The following CACNA1E variants were observed in gnomAD, a reference collection of about 807,000 sequenced individuals.
The protein encoded by CACNA1E is calcium voltage-gated channel subunit alpha1 E.
CACNA1E carries 40 observed loss-of-function variants against 259.2 expected under a neutral mutation model. The ratio of observed to expected loss-of-function variants is 0.15; its 90% CI spans 0.12 to 0.20. The LOEUF (loss-of-function observed/expected upper bound fraction) is 0.20. Among genes scored for constraint, CACNA1E ranks in the 10% least tolerant of loss-of-function variants. The probability of loss-of-function intolerance (pLI) is 1.00; values close to 1 mark genes in which losing one functional copy is unlikely to be tolerated. For missense variants in CACNA1E, 1,874 were observed against 3,040.1 expected, an observed-to-expected ratio of 0.62 and a Z score of 9.02; for synonymous variants, 1,104 against 1,138.5, an observed-to-expected ratio of 0.97 and a Z score of 0.61.
chr1:181,738,187 C>T (rs1656237710), intron 23 of CACNA1E, among the ~76,000 whole-genome samples, 180 bp from the exon 24 acceptor site: 1 of 152,216 alleles, frequency 6.6e-6, no homozygotes, highest in African/African-American at 2.4e-5. Flanking sequence ...CATGCCCCTC[C>T]TTCTGGCATT....
chr1:181,682,613 G>A (rs1650090333), intron 7 of CACNA1E, among the ~76,000 whole-genome samples: 1 of 152,160 alleles, frequency 6.6e-6, no homozygotes, highest in South Asian at 2.1e-4. Context: ...GGTTTAATTG[G>A]CATATGGTTC....
intron 1 of CACNA1E, among the ~76,000 whole-genome samples, chr1:181,498,302 A>G (rs972700346): frequency 5.9e-5 from 9 of 152,208 alleles, no homozygotes; most frequent in African/African-American, 2.2e-4. Context: ...TTTGTGGAAA[A>G]GGGCAGCTTT....
intron 6 of CACNA1E, among the ~76,000 whole-genome samples, chr1:181,611,157 G>A (rs996726779): frequency 3.3e-5 from 5 of 152,190 alleles, no homozygotes; most frequent in African/African-American, 1.2e-4. Flanking sequence ...CCTTCTAGCT[G>A]CCAGCCCTTT....
intron 6 of CACNA1E, among the ~76,000 whole-genome samples, chr1:181,611,670 G>T (rs1233669332): frequency 1.3e-5 from 2 of 152,170 alleles, no homozygotes; most frequent in Non-Finnish European, 2.9e-5. Flanking sequence ...TAGGGGAAGG[G>T]TGCTTCCTGA....
intron 9 of CACNA1E, 63 bp downstream of exon 9, chr1:181,715,454 C>A: frequency 2.2e-6 from 2 of 891,014 alleles, no homozygotes; most frequent in Middle Eastern, 2.1e-4. Context: ...ATGGCAATCT[C>A]TGTTATTCAA....
chr1:181,790,626 A>G, intron 44 of CACNA1E, 70 bp downstream of exon 44: 2 of 992,408 alleles, frequency 2.0e-6, no homozygotes, highest in Non-Finnish European at 3.2e-6. Context: ...TAATTTTATT[A>G]CATAGTCATG....
At chr1:181,477,810 C>A (rs1007692935) in intron 2 of CACNA1E, among the ~76,000 whole-genome samples, 6 of 152,202 alleles carry the variant, frequency 3.9e-5, no homozygotes, top group Non-Finnish European at 8.8e-5. Flanking sequence ...GTAGCACATA[C>A]TTATTGTGTG....
intron 1 of CACNA1E, among the ~76,000 whole-genome samples, chr1:181,393,504 C>T (rs1043380499): frequency 2.6e-5 from 4 of 152,162 alleles, no homozygotes; most frequent in Admixed American, 1.3e-4. Flanking sequence ...GTCACCCAGG[C>T]TGGAGTGCAG....
rs551682928 is a variant in CACNA1E at position 181,510,730 on chromosome 1, A to C, written c.372+148A>C. On this transcript the variant is annotated intron_variant, in intron 2 of 47. Coordinates refer to ENST00000367573, the MANE Select transcript of CACNA1E (RefSeq NM_001205293.3). ...GGGGGACAAGCTAATGACAGACCCC[A>C]TGGGGATTCACACGGAAAAGAAGAG... 5 of 621,692 alleles carry C rather than the reference A, an allele frequency of 8.0e-6. No individual in the cohort carries two copies. The African/African-American group carries it at 9.2e-5, about 11-fold the overall frequency. 38.5% of individuals were successfully genotyped at this position (621,692 alleles called of 1,614,324 possible). A position where few individuals can be genotyped will look rare whatever the true frequency, so the allele number is the denominator to read the frequency against.
At chr1:181,622,726 C>T (rs776054972) in intron 6 of CACNA1E, among the ~76,000 whole-genome samples, 5 of 152,082 alleles carry the variant, frequency 3.3e-5, no homozygotes, top group Admixed American at 6.5e-5. Context: ...GACACAATTC[C>T]GATCATAATC....
At chr1:181,386,974 C>A (rs550016705) in intron 1 of CACNA1E, among the ~76,000 whole-genome samples, 1 of 152,278 alleles carries the variant, frequency 6.6e-6, no homozygotes, top group Non-Finnish European at 1.5e-5. Context: ...CATTGAATAA[C>A]TTTTGTTCGA....
intron 1 of CACNA1E, 42 bp from the exon 2 acceptor site, chr1:181,510,435 G>GTCCC: frequency 7.4e-7 from 1 of 1,349,830 alleles, no homozygotes; most frequent in Non-Finnish European, 1.1e-6. Flanking sequence ...TGGAGGCTGT[G>GTCCC]TCCCTCTCTG....
intron 6 of CACNA1E, among the ~76,000 whole-genome samples, chr1:181,614,651 T>A (rs1205658173): frequency 6.6e-6 from 1 of 152,260 alleles, no homozygotes; most frequent in Non-Finnish European, 1.5e-5. Context: ...AGTTATGCTT[T>A]ATACTGCATC....
chr1:181,596,534 A>G (rs1653178054), intron 6 of CACNA1E, among the ~76,000 whole-genome samples: 1 of 145,528 alleles, frequency 6.9e-6, no homozygotes, highest in African/African-American at 2.5e-5. Flanking sequence ...ATCTCCAGAG[A>G]GTAGTCTTCC....
At chr1:181,750,533 G>C in intron 26 of CACNA1E, 46 bp downstream of exon 26, 1 of 1,592,654 alleles carries the variant, frequency 6.3e-7, no homozygotes, top group Non-Finnish European at 8.6e-7. Context: ...CAAGGAATGA[G>C]TTGGAGGAGC....
At chr1:181,426,250 C>G (rs675230) in intron 2 of CACNA1E, among the ~76,000 whole-genome samples, 9,283 of 151,882 alleles carry the variant, frequency 0.061, 457 homozygotes, top group African/African-American at 0.13. Context: ...AACCCAACCT[C>G]TCTCCATCTC....
intron 1 of CACNA1E, among the ~76,000 whole-genome samples, chr1:181,328,190 G>A (rs554249056): frequency 2.5e-3 from 378 of 152,272 alleles, no homozygotes; most frequent in African/African-American, 4.3e-3. Context: ...AGATTTAGTC[G>A]TGGTAAGGGC....
Position 181,776,826 on chromosome 1 carries a change from T to G in CACNA1E, c.5267+598T>G, listed in dbSNP as rs76363325. Reference sequence around the variant, plus strand: ...TTGCTGTTTAGTAGTTCTGAAGTGATAGCGTGCCTTCTAGGCTCTAGAGCA... The same window carrying G: ...TTGCTGTTTAGTAGTTCTGAAGTGAGAGCGTGCCTTCTAGGCTCTAGAGCA... On this transcript the variant is annotated intron_variant, in intron 38 of 47. Transcript: ENST00000367573. This position sits in a 1 kb window ranked among gnomAD's most constrained non-coding sequence, Gnocchi z 4.4. Among the ~76,000 whole-genome samples the G allele has an allele frequency of 3.3e-5, 5 of 152,232 alleles. No homozygotes were observed. The highest frequency in any genetic ancestry group is 9.6e-5 in the African/African-American group (4 of 41,452).
intron 6 of CACNA1E, among the ~76,000 whole-genome samples, chr1:181,629,330 A>G (rs1232206523): frequency 6.6e-6 from 1 of 152,174 alleles, no homozygotes; most frequent in Non-Finnish European, 1.5e-5. Flanking sequence ...GTATTTTTCT[A>G]ATGGCCAGGG....
Sources: gnomAD v4.1 joint callset for allele counts (sites outside exome capture counted in the v4.1 genomes callset) on GRCh38, gnomAD v4.1.1 for gene constraint, Gnocchi (gnomAD v3.1) non-coding constraint, MANE v1.5 for transcripts, NCBI Gene and HGNC (gene_info 2026-07-23, HGNC 2026-07-21) for gene names.